Variants in TMEM117 observed in about 807,000 individuals in gnomAD.
TMEM117 encodes transmembrane protein 117.
A neutral mutation model predicts 52.4 loss-of-function variants in TMEM117; 27 were observed. The observed-to-expected ratio is 0.51, with a 90% CI of 0.38 to 0.71. TMEM117 has a LOEUF of 0.71. TMEM117 is among the 30% of genes least tolerant of loss of function. TMEM117 has a pLI of 0.00. For missense variants in TMEM117, 556 were observed against 630.5 expected (o/e 0.88, Z 1.26); for synonymous variants, 215 against 206.3 (o/e 1.04, Z -0.36).
chr12:43,914,532 A>T (rs998540225), intron 2 of TMEM117, among the ~76,000 whole-genome samples: 1 of 152,172 alleles, frequency 6.6e-6, no homozygotes, highest in Non-Finnish European at 1.5e-5. Flanking sequence ...GGCCCTGCCA[A>T]TGGAGCTTTC....
intron 3 of TMEM117, among the ~76,000 whole-genome samples, chr12:44,030,856 G>C (rs963592680): frequency 6.6e-6 from 1 of 150,500 alleles, no homozygotes; most frequent in African/African-American, 2.5e-5. Context: ...AATTCTGTGT[G>C]TGAATATATT....
At chr12:43,842,062 A>T (rs1342055586) in intron 1 of TMEM117, among the ~76,000 whole-genome samples, 1 of 151,984 alleles carries the variant, frequency 6.6e-6, no homozygotes, top group Non-Finnish European at 1.5e-5. Context: ...CCAGTGATGA[A>T]TTTTTTTTGT....
At chr12:43,809,867 A>T in the TMEM117 span, among the ~76,000 whole-genome samples, 1 of 152,222 alleles carries the variant, frequency 6.6e-6, no homozygotes, top group East Asian at 1.9e-4. Flanking sequence ...ACACCTGACA[A>T]GATTGCTAAA....
At chr12:44,152,444 T>TC (rs1449357038) in intron 4 of TMEM117, among the ~76,000 whole-genome samples, 29 of 115,362 alleles carry the variant, frequency 2.5e-4, no homozygotes, top group African/African-American at 9.4e-4. Context: ...TATATTTATA[T>TC]AATATAAAAA....
chr12:43,874,295 T>C (rs1943755071), intron 2 of TMEM117, among the ~76,000 whole-genome samples: 1 of 152,098 alleles, frequency 6.6e-6, no homozygotes, highest in Non-Finnish European at 1.5e-5. Context: ...AAAAAACATA[T>C]TAAGGCTGGG....
chr12:43,887,263 G>A (rs79272659), intron 2 of TMEM117, among the ~76,000 whole-genome samples: 6,058 of 152,252 alleles, frequency 0.04, 389 homozygotes, highest in African/African-American at 0.14. Context: ...TGCTCAGGAA[G>A]TTTCCTAGGA....
chr12:44,364,304 T>C (rs746502678), intron 6 of TMEM117, among the ~76,000 whole-genome samples: 39 of 152,156 alleles, frequency 2.6e-4, no homozygotes, highest in Admixed American at 2.0e-4. Context: ...TTATGAGATA[T>C]TATACTGAGG....
At chr12:44,249,128 G>A (rs1311197655) in intron 5 of TMEM117, 1 of 152,218 alleles carries the variant, frequency 6.6e-6, no homozygotes, top group African/African-American at 2.4e-5. Flanking sequence ...ATCTCACATA[G>A]CAGAGCAGGA....
At chr12:44,329,183 A>T (rs1951235198) in intron 6 of TMEM117, among the ~76,000 whole-genome samples, 1 of 152,102 alleles carries the variant, frequency 6.6e-6, no homozygotes, top group Non-Finnish European at 1.5e-5. Flanking sequence ...ACATAGGAAG[A>T]ATGTAAGGGT....
intron 6 of TMEM117, among the ~76,000 whole-genome samples, chr12:44,315,675 T>C (rs1009588040): frequency 2.0e-5 from 3 of 152,180 alleles, no homozygotes; most frequent in African/African-American, 7.2e-5. Context: ...TGAGCACTAT[T>C]GTGTGGTGGG....
In TMEM117 at chr12:43,979,467, CT is replaced by C. The variant is rs1409064726; in HGVS notation, c.410+35128del. 3.3e-5 allele frequency among the ~76,000 whole-genome samples: 5 copies of C among 152,276 alleles called. No individual in the cohort carries two copies. The East Asian group carries it at 9.6e-4, about 29-fold the overall frequency. On this transcript the variant is annotated intron_variant, in intron 3 of 7. Coordinates refer to ENST00000266534, the MANE Select transcript of TMEM117 (RefSeq NM_032256.3). ...CTGTTTAGCATTCCTTGAGGAAGTACTTTCCAATGAAATTGGTGAGCTGGCC... is the reference window on the plus strand; with the variant it reads ...CTGTTTAGCATTCCTTGAGGAAGTACTTCCAATGAAATTGGTGAGCTGGCC...
At chr12:44,084,339 G>A (rs1245241316) in intron 3 of TMEM117, among the ~76,000 whole-genome samples, 4 of 151,982 alleles carry the variant, frequency 2.6e-5, no homozygotes, top group African/African-American at 9.7e-5. Context: ...AACTACCTAA[G>A]CCATTACTAC....
At chr12:43,914,848 A>G (rs1944573552) in intron 2 of TMEM117, among the ~76,000 whole-genome samples, 1 of 152,178 alleles carries the variant, frequency 6.6e-6, no homozygotes. Flanking sequence ...TTCATAGTGT[A>G]GTATTTATTA....
At chr12:43,841,014 G>A (rs1289107869) in intron 1 of TMEM117, among the ~76,000 whole-genome samples, 1 of 152,200 alleles carries the variant, frequency 6.6e-6, no homozygotes, top group Non-Finnish European at 1.5e-5. Context: ...AGAGGACTAG[G>A]CAAACATTTG....
At chr12:44,193,049 G>T (rs894978030) in intron 4 of TMEM117, among the ~76,000 whole-genome samples, 2 of 152,126 alleles carry the variant, frequency 1.3e-5, no homozygotes, top group African/African-American at 4.8e-5. Context: ...GGTTTATTTG[G>T]CTGTGCACCT....
At chr12:44,158,455 G>A (rs988936910) in intron 4 of TMEM117, among the ~76,000 whole-genome samples, 4 of 152,252 alleles carry the variant, frequency 2.6e-5, no homozygotes, top group Non-Finnish European at 5.9e-5. Context: ...TCAACATAAA[G>A]GCGAGATAGT....
At chr12:43,897,445 G>T (rs1007195936) in intron 2 of TMEM117, among the ~76,000 whole-genome samples, 19 of 151,642 alleles carry the variant, frequency 1.3e-4, no homozygotes, top group African/African-American at 4.6e-4. Flanking sequence ...CTGAGTAGCT[G>T]GGACTACAGG....
rs1947359183 is a variant in TMEM117, at chr12:44,075,001, G to T, written c.411-68524G>T. ...TGTCATTTTCTCCTTCATGTTTGAG[G>T]CTTATTCAGTTTTCTCAGAAGTTGA... On this transcript the variant is annotated intron_variant, in intron 3 of 7. Coordinates refer to ENST00000266534, the MANE Select transcript of TMEM117 (RefSeq NM_032256.3). 2.6e-5 allele frequency among the ~76,000 whole-genome samples: 4 copies of T among 152,134 alleles called. No homozygotes were observed. The South Asian group carries it at 8.3e-4, about 32-fold the overall frequency.
chr12:44,028,863 C>A (rs909966337), intron 3 of TMEM117, among the ~76,000 whole-genome samples: 6 of 152,186 alleles, frequency 3.9e-5, no homozygotes, highest in African/African-American at 1.2e-4. Context: ...TGGATTGGAA[C>A]TCCTTTCTTG....
Sources: allele counts gnomAD v4.1 joint callset (sites outside exome capture counted in the v4.1 genomes callset), GRCh38; gene constraint gnomAD v4.1.1; transcripts MANE v1.5; gene names NCBI Gene and HGNC (gene_info 2026-07-23, HGNC 2026-07-21).